Variants in ITFG1 observed in about 807,000 individuals in gnomAD.
ITFG1 encodes the protein T-cell immunomodulatory protein.
ITFG1 carries 34 observed loss-of-function variants against 81.8 expected under a neutral mutation model. That is an observed-to-expected ratio of 0.42 (90% CI 0.32 to 0.55). ITFG1 has a LOEUF of 0.55. Among genes scored for constraint, ITFG1 ranks in the 20% least tolerant of loss-of-function variants. The probability of loss-of-function intolerance (pLI) is 0.17; values close to 1 mark genes in which losing one functional copy is unlikely to be tolerated. For synonymous variants in ITFG1, 285 were observed against 270.6 expected (o/e 1.05, Z -0.52); for missense variants, 672 against 755.4 (o/e 0.89, Z 1.29).
intron 8 of ITFG1, 29 bp downstream of exon 8, chr16:47,365,759 C>CTT (rs76973321): frequency 1.5e-3 from 1,648 of 1,099,718 alleles, no homozygotes; most frequent in Non-Finnish European, 1.8e-3. Flanking sequence ...AGGCAAAAGC[C>CTT]TTTTTTTTTT....
intron 10 of ITFG1, among the ~76,000 whole-genome samples, chr16:47,278,314 G>A (rs1966418597): frequency 6.6e-6 from 1 of 152,194 alleles, no homozygotes; most frequent in South Asian, 2.1e-4. Context: ...GAACAAATAT[G>A]ACCAAAAGTG....
At chr16:47,461,233 CCG>C (rs1969541947), upstream of ITFG1, 2 of 1,003,878 alleles carry the variant, frequency 2.0e-6, no homozygotes, top group Admixed American at 5.1e-5. Context: ...AGGGTGAAAG[CCG>C]CCCTCACGCT....
chr16:47,369,266 C>T (rs1414694826), intron 7 of ITFG1, among the ~76,000 whole-genome samples: 2 of 152,128 alleles, frequency 1.3e-5, no homozygotes, highest in African/African-American at 4.8e-5. Flanking sequence ...CAGTCTGGTG[C>T]AAAGAACACT....
chr16:47,451,373 T>C (rs1217364349), intron 5 of ITFG1, 23 bp downstream of exon 5: 8 of 1,252,466 alleles, frequency 6.4e-6, no homozygotes, highest in Non-Finnish European at 9.2e-6. Flanking sequence ...ATTAATTACA[T>C]AGTTATAACC....
At chr16:47,238,056 A>G in intron 12 of ITFG1, 48 bp from the exon 13 acceptor site, 1 of 1,078,722 alleles carries the variant, frequency 9.3e-7, no homozygotes, top group Non-Finnish European at 1.3e-6. Flanking sequence ...GTTTATATTT[A>G]AAGTGAGCTC....
At chr16:47,376,857 C>A (rs891567458) in intron 6 of ITFG1, among the ~76,000 whole-genome samples, 16 of 150,134 alleles carry the variant, frequency 1.1e-4, no homozygotes, top group Non-Finnish European at 3.0e-5. Context: ...TAGTCCCAGC[C>A]ACTTGGGAGG....
intron 5 of ITFG1, among the ~76,000 whole-genome samples, chr16:47,447,752 T>C (rs1199978401): frequency 6.6e-6 from 1 of 152,228 alleles, no homozygotes; most frequent in East Asian, 1.9e-4. Flanking sequence ...ATAAGTCATC[T>C]GCTAAAAGTT....
intron 1 of ITFG1, among the ~76,000 whole-genome samples, chr16:47,459,949 T>C (rs1220701212): frequency 6.6e-6 from 1 of 152,182 alleles, no homozygotes; most frequent in Non-Finnish European, 1.5e-5. Flanking sequence ...AAGCTCTGAG[T>C]AGCTCTTCCT....
At chr16:47,422,387 G>C (rs2151607164) in intron 6 of ITFG1, among the ~76,000 whole-genome samples, 1 of 152,312 alleles carries the variant, frequency 6.6e-6, no homozygotes, top group East Asian at 1.9e-4. Flanking sequence ...GCATGAGATG[G>C]TTTGCCAGTA....
intron 8 of ITFG1, among the ~76,000 whole-genome samples, chr16:47,354,850 A>G (rs1410129573): frequency 1.3e-5 from 2 of 152,112 alleles, no homozygotes; most frequent in African/African-American, 4.8e-5. Flanking sequence ...GATATCTATC[A>G]CCTCACTCTA....
At chr16:47,446,080 T>C (rs968611450) in intron 5 of ITFG1, among the ~76,000 whole-genome samples, 1 of 151,880 alleles carries the variant, frequency 6.6e-6, no homozygotes, top group Admixed American at 6.6e-5. Context: ...AGGCAACTGA[T>C]GTTAAGTGCC....
chr16:47,281,192 T>C (rs893208909), intron 10 of ITFG1, among the ~76,000 whole-genome samples: 1 of 152,144 alleles, frequency 6.6e-6, no homozygotes, highest in Admixed American at 6.5e-5. Context: ...TTAACAAATG[T>C]AGAGTTGCAC....
At chr16:47,346,197 T>G (rs1023189087) in intron 8 of ITFG1, among the ~76,000 whole-genome samples, 1 of 152,182 alleles carries the variant, frequency 6.6e-6, no homozygotes, top group Admixed American at 6.5e-5. Flanking sequence ...GCAAAACAAG[T>G]CTTAATAAAT....
chr16:47,403,857 G>T (rs1310534253), intron 6 of ITFG1, among the ~76,000 whole-genome samples: 1 of 150,478 alleles, frequency 6.6e-6, no homozygotes, highest in Non-Finnish European at 1.5e-5. Context: ...TAGGTCAGGG[G>T]TCCCTAACCC....
chr16:47,286,524 C>A (rs1251515206), intron 10 of ITFG1, among the ~76,000 whole-genome samples: 1 of 151,956 alleles, frequency 6.6e-6, no homozygotes, highest in African/African-American at 2.4e-5. Context: ...CCTGTAATCA[C>A]ACCTACTTGG....
In ITFG1 at chr16:47,294,940, G is replaced by A. The variant is rs1966960876; in HGVS notation, c.1070+16300C>T. Reference sequence around the variant, plus strand: ...AAGTGGGTATACATGTGTTGTTCCAGTTCTTCGGGGAAGAGCTTTCAATGT... The same window carrying A: ...AAGTGGGTATACATGTGTTGTTCCAATTCTTCGGGGAAGAGCTTTCAATGT... On this transcript the variant is annotated intron_variant, in intron 10 of 17. Transcript: ENST00000320640. Among the ~76,000 whole-genome samples, 3 of 152,096 alleles carry A rather than the reference G, an allele frequency of 2.0e-5. No individual in the cohort carries two copies. The South Asian group carries it at 6.2e-4, about 31-fold the overall frequency.
At chr16:47,318,848 T>C (rs987760712) in intron 8 of ITFG1, among the ~76,000 whole-genome samples, 2 of 152,242 alleles carry the variant, frequency 1.3e-5, no homozygotes, top group African/African-American at 4.8e-5. Flanking sequence ...CAATCTGTTG[T>C]AATATGTTGT....
chr16:47,401,678 A>T (rs1968663479), intron 6 of ITFG1, among the ~76,000 whole-genome samples: 1 of 152,178 alleles, frequency 6.6e-6, no homozygotes, highest in South Asian at 2.1e-4. Flanking sequence ...ATTAAATGGA[A>T]CAGATAAATA....
chr16:47,195,232 G>A (rs887471014), intron 14 of ITFG1, among the ~76,000 whole-genome samples: 3 of 152,246 alleles, frequency 2.0e-5, no homozygotes, highest in Non-Finnish European at 4.4e-5. Flanking sequence ...TGAGGGCAGG[G>A]TGGTGGTGCT....
Sources: allele counts gnomAD v4.1 joint callset (sites outside exome capture counted in the v4.1 genomes callset), GRCh38; gene constraint gnomAD v4.1.1; transcripts MANE v1.5; gene names NCBI Gene and HGNC (gene_info 2026-07-23, HGNC 2026-07-21).